The following CEP85L variants were observed in gnomAD, a reference collection of about 807,000 sequenced individuals.
The protein encoded by CEP85L is centrosomal protein 85L.
Under a neutral mutation model 100.3 loss-of-function variants are expected in CEP85L, and 60 were observed. The ratio of observed to expected loss-of-function variants is 0.60; its 90% CI spans 0.49 to 0.74. The LOEUF is 0.74. Among genes scored for constraint, CEP85L ranks in the 30% least tolerant of loss-of-function variants. The pLI, the probability that CEP85L is intolerant of heterozygous loss-of-function variation, is 0.00. For missense variants in CEP85L, 973 were observed against 936.2 expected (o/e 1.04, Z -0.51); for synonymous variants, 319 against 322.7 (o/e 0.99, Z 0.12).
chr6:118,616,437 C>A (rs1773050609), intron 2 of CEP85L, among the ~76,000 whole-genome samples: 1 of 151,696 alleles, frequency 6.6e-6, no homozygotes, highest in East Asian at 1.9e-4. Flanking sequence ...GAGGCTGAAG[C>A]AGAAGGATCA....
At chr6:118,613,618 G>T (rs893092415) in intron 2 of CEP85L, among the ~76,000 whole-genome samples, 11 of 151,896 alleles carry the variant, frequency 7.2e-5, no homozygotes, top group African/African-American at 2.7e-4. Flanking sequence ...TTAGCCCGGC[G>T]TGGTGGCACA....
chr6:118,542,902 A>AAAAAAAAAAAAAAAAAAAAAAC (rs1777980476), intron 3 of CEP85L, among the ~76,000 whole-genome samples: 1 of 95,064 alleles, frequency 1.1e-5, no homozygotes, highest in Non-Finnish European at 2.5e-5. Flanking sequence ...AGTTTTCCCA[A>AAAAAAAAAAAAAAAAAAAAAAC]AAAAAAAAAA....
chr6:118,504,930 T>C (rs759665100), intron 5 of CEP85L, among the ~76,000 whole-genome samples: 1 of 151,390 alleles, frequency 6.6e-6, no homozygotes, highest in Admixed American at 6.6e-5. Context: ...GAGTGGAGAG[T>C]AGAGTGGGAA....
intron 1 of CEP85L, among the ~76,000 whole-genome samples, chr6:118,633,306 G>A (rs1417374706): frequency 1.3e-5 from 2 of 151,214 alleles, no homozygotes; most frequent in East Asian, 1.9e-4. Context: ...CCGGGTTCAC[G>A]CCATTCTCCT....
intron 4 of CEP85L, among the ~76,000 whole-genome samples, chr6:118,518,461 G>A (rs1776417218): frequency 6.6e-6 from 1 of 152,180 alleles, no homozygotes; most frequent in Non-Finnish European, 1.5e-5. Context: ...AGACCTGGGA[G>A]AGTGTACGTG....
rs185898350 is a variant in CEP85L at position 118,594,262 on chromosome 6, T to C, written c.233-27946A>G. 4.4e-3 allele frequency among the ~76,000 whole-genome samples: 677 copies of C among 152,330 alleles called. 5 individuals are homozygous for C. Among genetic ancestry groups the C allele is most frequent in the Non-Finnish European group, 5.2e-3 (351 of 68,016 alleles). On this transcript the variant is annotated intron_variant, in intron 2 of 12. Transcript: ENST00000368491. Reference sequence around the variant, plus strand: ...CTTTTGTTTTTACACAAAATGAAGATAGTGTACCAAATGATAACTTGTTTC... The same window carrying C: ...CTTTTGTTTTTACACAAAATGAAGACAGTGTACCAAATGATAACTTGTTTC...
intron 10 of CEP85L, 59 bp downstream of exon 10, chr6:118,479,811 TA>T: frequency 1.3e-6 from 1 of 777,538 alleles, no homozygotes; most frequent in Non-Finnish European, 2.0e-6. Flanking sequence ...TCAGATTAAA[TA>T]AGCATTAAGA....
upstream of CEP85L, among the ~76,000 whole-genome samples, chr6:118,653,885 A>G (rs1038952271): frequency 1.3e-5 from 2 of 152,194 alleles, no homozygotes; most frequent in African/African-American, 4.8e-5. Flanking sequence ...AAAATGCCAC[A>G]TTTAATACCA....
chr6:118,502,209 T>C (rs1775347770), intron 5 of CEP85L: 3 of 754,136 alleles, frequency 4.0e-6, no homozygotes, highest in Admixed American at 2.5e-5. Flanking sequence ...ATTTGAATTA[T>C]GGACCCTGGA....
rs913807746 is a variant in CEP85L, at chr6:118,461,363, T to C, written c.*4042A>G. On this transcript the variant is annotated 3_prime_UTR_variant, in exon 13 of 13. Transcript: ENST00000368491. Reference sequence around the variant, plus strand: ...GACATCTATCTGATAATTCCCCTCATGTTTACTAAGGTATCCACCTAGTAA... The same window carrying C: ...GACATCTATCTGATAATTCCCCTCACGTTTACTAAGGTATCCACCTAGTAA... 6.6e-6 allele frequency: 1 copy of C among 152,044 alleles called. No individual in the cohort carries two copies. Among genetic ancestry groups the C allele is most frequent in the African/African-American group, 2.4e-5 (1 of 41,408 alleles). 9.4% of individuals were successfully genotyped at this position (152,044 alleles called of 1,614,324 possible). A position where few individuals can be genotyped will look rare whatever the true frequency, so the allele number is the denominator to read the frequency against.
chr6:118,681,067 A>G (rs1347842651), intron 1 of CEP85L, among the ~76,000 whole-genome samples: 2 of 152,238 alleles, frequency 1.3e-5, no homozygotes, highest in East Asian at 3.8e-4. Flanking sequence ...GACAGTACAC[A>G]AGAGCTTTTC....
At chr6:118,512,884 A>G (rs1776048634) in intron 4 of CEP85L, among the ~76,000 whole-genome samples, 1 of 152,224 alleles carries the variant, frequency 6.6e-6, no homozygotes, top group South Asian at 2.1e-4. Flanking sequence ...AAAAGCAGAA[A>G]AAATGTAACT....
chr6:118,599,380 A>G (rs1781609450), intron 2 of CEP85L, among the ~76,000 whole-genome samples: 1 of 152,262 alleles, frequency 6.6e-6, no homozygotes, highest in Non-Finnish European at 1.5e-5. Context: ...ACAAAATATT[A>G]TTACTAAGTC....
At chr6:118,559,684 G>T (rs988801942) in intron 3 of CEP85L, 1 of 168,822 alleles carries the variant, frequency 5.9e-6, no homozygotes, top group Non-Finnish European at 1.4e-5. Context: ...TTTTAAAGTT[G>T]ATGAGAATCA....
upstream of CEP85L, chr6:118,657,062 C>G (rs1358293151): frequency 6.6e-6 from 1 of 152,230 alleles, no homozygotes; most frequent in Non-Finnish European, 1.5e-5. Flanking sequence ...TTCCAATAAG[C>G]CTCTTACACC....
intron 1 of CEP85L, among the ~76,000 whole-genome samples, chr6:118,696,048 A>C (rs1171551154): frequency 6.6e-6 from 1 of 152,212 alleles, no homozygotes; most frequent in African/African-American, 2.4e-5. Context: ...AGACAGGCGG[A>C]TCACCTGAGG....
intron 5 of CEP85L, chr6:118,501,986 C>T: frequency 1.2e-6 from 1 of 832,328 alleles, no homozygotes; most frequent in Non-Finnish European, 2.0e-6. Flanking sequence ...GGAAAACTGA[C>T]CAGGTGGCTT....
At chr6:118,695,631 C>T (rs1442557140) in intron 1 of CEP85L, among the ~76,000 whole-genome samples, 1 of 152,214 alleles carries the variant, frequency 6.6e-6, no homozygotes, top group African/African-American at 2.4e-5. Context: ...GAATATAACA[C>T]ATTCTACAGG....
At position 118,651,398 on chromosome 6, in the gene CEP85L, C is replaced by A. The variant is rs1163739421; in HGVS notation, c.-129G>T. ...ACGGGCAGGAGGAAAGGCGGGATGG[C>A]TGGTTAACGGCTGCTCAGCTACGGG... On this transcript the variant is annotated 5_prime_UTR_variant, in exon 1 of 13. Coordinates refer to ENST00000368491, the MANE Select transcript of CEP85L (RefSeq NM_001042475.3). The A allele has an allele frequency of 7.4e-7, 1 of 1,355,564 alleles. No homozygotes were observed. The highest frequency in any genetic ancestry group is 1.5e-5 in the African/African-American group (1 of 65,280). The allele number at this position is 1,355,564 out of a possible 1,614,324, so 84.0% of individuals were successfully genotyped here.
Sources: allele counts gnomAD v4.1 joint callset (sites outside exome capture counted in the v4.1 genomes callset), GRCh38; gene constraint gnomAD v4.1.1; transcripts MANE v1.5; gene names NCBI Gene and HGNC (gene_info 2026-07-23, HGNC 2026-07-21).